The following CEP19 variants were observed in gnomAD, a reference collection of about 807,000 sequenced individuals.
CEP19 encodes centrosomal protein 19.
CEP19 carries 14 observed loss-of-function variants against 17.5 expected under a neutral mutation model. That is an observed-to-expected ratio of 0.80 (90% CI 0.53 to 1.25). CEP19 has a LOEUF of 1.25. Among genes scored for constraint, CEP19 ranks in the 50% most tolerant of loss-of-function variants. CEP19 has a pLI of 0.00. For missense variants in CEP19, 193 were observed against 192.0 expected (o/e 1.01, Z -0.03); for synonymous variants, 59 against 65.5 (o/e 0.90, Z 0.48).
In CEP19 at chr3:196,712,100, G is replaced by A. The variant is rs963021603; in HGVS notation, c.-242C>T. ...GCCACAGCCCTACTGACGAGCCCGA[G>A]GGGTGAACTCCCCGGCGGGAGGCCC... On this transcript the variant is annotated 5_prime_UTR_variant, in exon 1 of 3. Coordinates refer to ENST00000409690, the MANE Select transcript of CEP19 (RefSeq NM_032898.5). The A allele has an allele frequency of 4.7e-5, 30 of 643,728 alleles. No individual in the cohort carries two copies. Among genetic ancestry groups the A allele is most frequent in the African/African-American group, 7.2e-5 (4 of 55,194 alleles). The allele number at this position is 643,728 out of a possible 1,614,324, so 39.9% of individuals were successfully genotyped here.
intron 1 of CEP19, among the ~76,000 whole-genome samples, chr3:196,710,886 T>C (rs1333287690): frequency 1.3e-5 from 2 of 148,592 alleles, no homozygotes; most frequent in Non-Finnish European, 3.0e-5. Context: ...AAAAAATTAC[T>C]GTGCTCTACC....
chr3:196,712,120 A>G lies in CEP19; in HGVS notation c.-262T>C. 1 of 613,502 alleles carries G rather than the reference A, an allele frequency of 1.6e-6. No homozygotes were observed. 38.0% of individuals were successfully genotyped at this position (613,502 alleles called of 1,614,324 possible). A position where few individuals can be genotyped will look rare whatever the true frequency, so the allele number is the denominator to read the frequency against. On this transcript the variant is annotated 5_prime_UTR_variant, in exon 1 of 3. Coordinates refer to ENST00000409690, the MANE Select transcript of CEP19 (RefSeq NM_032898.5). ...CCCGAGGGGTGAACTCCCCGGCGGG[A>G]GGCCCGAACCCTCAAACACCGGGAA...
At position 196,708,640 on chromosome 3, in the gene CEP19, C is replaced by G. The variant is rs766456892; in HGVS notation, c.18G>C (p.Lys6Asn). The G allele has an allele frequency of 3.1e-6, 5 of 1,614,130 alleles. No individual in the cohort carries two copies. The highest frequency in any genetic ancestry group is 4.2e-6 in the Non-Finnish European group (5 of 1,179,970). The change falls in exon 2 of 3, where the codon AAG (lysine) becomes AAC (asparagine). Residue 6 changes from lysine (K) to asparagine (N), a missense_variant. Lys to Asn is a moderately conservative substitution (Grantham distance 94). Coordinates refer to ENST00000409690, the MANE Select transcript of CEP19 (RefSeq NM_032898.5). The part of the protein sequence containing the change: MMCTA[K>N]KCGIRFQPPA... ...GAGGCTGAAACCTAATCCCACATTT[C>G]TTGGCAGTGCACATCATTCCCATGT...
At chr3:196,707,968 CA>C (rs1711590788) in intron 2 of CEP19, 56 bp from the exon 3 acceptor site, 1 of 1,534,870 alleles carries the variant, frequency 6.5e-7, no homozygotes, top group African/African-American at 1.4e-5. Context: ...TCATATACGC[CA>C]TAAACTACTG....
At chr3:196,708,419 AGAGT>A (rs1711602821) in intron 2 of CEP19, 105 bp downstream of exon 2, 3 of 969,992 alleles carry the variant, frequency 3.1e-6, no homozygotes, top group Non-Finnish European at 4.7e-6. Flanking sequence ...AAGCTCACTG[AGAGT>A]AAGTAATTCA....
At chr3:196,710,102 A>C (rs903724812) in intron 1 of CEP19, among the ~76,000 whole-genome samples, 1 of 152,210 alleles carries the variant, frequency 6.6e-6, no homozygotes, top group Non-Finnish European at 1.5e-5. Context: ...CTGACGTTCA[A>C]ATTTAACAAC....
In CEP19 at chr3:196,712,160, C is replaced by T; in HGVS notation, c.-302G>A. Reference sequence around the variant, plus strand: ...AACACCGGGAAGCGGAGGTGGGGGCCGGCTGGGGGACCGGTCCACCGGCTC... The same window carrying T: ...AACACCGGGAAGCGGAGGTGGGGGCTGGCTGGGGGACCGGTCCACCGGCTC... On this transcript the variant is annotated 5_prime_UTR_variant, in exon 1 of 3. Coordinates refer to ENST00000409690, the MANE Select transcript of CEP19 (RefSeq NM_032898.5). The T allele has an allele frequency of 3.5e-6, 2 of 568,308 alleles. No individual in the cohort carries two copies. The highest frequency in any genetic ancestry group is 6.4e-6 in the Non-Finnish European group (2 of 314,752). The allele number at this position is 568,308 out of a possible 1,614,324, so 35.2% of individuals were successfully genotyped here.
chr3:196,707,351 G>A lies in CEP19; in HGVS notation c.*200C>T. On this transcript the variant is annotated 3_prime_UTR_variant, in exon 3 of 3. Transcript: ENST00000409690. ...CGGCATGATTGTAAGCTCCTTAAAG[G>A]CAGATTCCTTTATTCTGTTTTTCCC... is the stretch of plus-strand genomic sequence containing the variant. The A allele has an allele frequency of 1.6e-6, 1 of 607,086 alleles. No individual in the cohort carries two copies. The highest frequency in any genetic ancestry group is 2.9e-5 in the East Asian group (1 of 34,520). 37.6% of individuals were successfully genotyped at this position (607,086 alleles called of 1,614,324 possible). A position where few individuals can be genotyped will look rare whatever the true frequency, so the allele number is the denominator to read the frequency against.
rs756849608 is a variant in CEP19, at chr3:196,707,707, C to T, written c.336G>A (p.Glu112=). The change falls in exon 3 of 3, where the codon GAG becomes GAA. Residue 112 remains glutamate (E), a synonymous_variant. Coordinates refer to ENST00000409690, the MANE Select transcript of CEP19 (RefSeq NM_032898.5). ...EEDLNKLDDK[E]LAKRKSIMDE... ...CCATGATGCTCTTTCTTTTGGCAAGCTCCTTGTCATCTAGTTTGTTCAGGT... is the reference window on the plus strand; with the variant it reads ...CCATGATGCTCTTTCTTTTGGCAAGTTCCTTGTCATCTAGTTTGTTCAGGT... 3 of 1,614,004 alleles carry T rather than the reference C, an allele frequency of 1.9e-6. No individual in the cohort carries two copies. Among genetic ancestry groups the T allele is most frequent in the African/African-American group, 1.3e-5 (1 of 74,906 alleles).
In CEP19 at chr3:196,707,445, C is replaced by T; in HGVS notation, c.*106G>A. 1 of 1,243,000 alleles carries T rather than the reference C, an allele frequency of 8.0e-7. No homozygotes were observed. The highest frequency in any genetic ancestry group is 1.1e-6 in the Non-Finnish European group (1 of 898,924). 77.0% of individuals were successfully genotyped at this position (1,243,000 alleles called of 1,614,324 possible). ...GTTTTGAAAAGTAACATGGTCAATC[C>T]CCTATAACCCAACATATTTAGTATT... On this transcript the variant is annotated 3_prime_UTR_variant, in exon 3 of 3. Coordinates refer to ENST00000409690, the MANE Select transcript of CEP19 (RefSeq NM_032898.5).
Position 196,707,328 on chromosome 3 carries a change from G to A in CEP19, c.*223C>T. On this transcript the variant is annotated 3_prime_UTR_variant, in exon 3 of 3. Coordinates refer to ENST00000409690, the MANE Select transcript of CEP19 (RefSeq NM_032898.5). Reference sequence around the variant, plus strand: ...TTACAGGCGTGAGCCACCGCACCCGGCATGATTGTAAGCTCCTTAAAGGCA... The same window carrying A: ...TTACAGGCGTGAGCCACCGCACCCGACATGATTGTAAGCTCCTTAAAGGCA... The A allele has an allele frequency of 1.9e-6, 1 of 539,712 alleles. No homozygotes were observed. The highest frequency in any genetic ancestry group is 3.2e-6 in the Non-Finnish European group (1 of 312,496). 33.4% of individuals were successfully genotyped at this position (539,712 alleles called of 1,614,324 possible). A position where few individuals can be genotyped will look rare whatever the true frequency, so the allele number is the denominator to read the frequency against.
In CEP19 at chr3:196,706,639, G is replaced by A. The variant is rs1274929912; in HGVS notation, c.*912C>T. ...ATTTTGCAGGGTACTCTTTTCCAGA[G>A]ATAAATAATATAAAGATATAACACA... On this transcript the variant is annotated 3_prime_UTR_variant, in exon 3 of 3. Transcript: ENST00000409690. 1 of 152,050 alleles carries A rather than the reference G, an allele frequency of 6.6e-6. No individual in the cohort carries two copies. Among genetic ancestry groups the A allele is most frequent in the Non-Finnish European group, 1.5e-5 (1 of 68,006 alleles). The allele number at this position is 152,050 out of a possible 1,614,324, so 9.4% of individuals were successfully genotyped here. A position where few individuals can be genotyped will look rare whatever the true frequency, so the allele number is the denominator to read the frequency against.
intron 1 of CEP19, among the ~76,000 whole-genome samples, chr3:196,710,954 CT>C (rs760516872): frequency 0.026 from 2,916 of 110,302 alleles, 94 homozygotes; most frequent in African/African-American, 0.084. Context: ...TCTTTTCTTG[CT>C]TTTTTTTTTT....
intron 2 of CEP19, 139 bp downstream of exon 2, chr3:196,708,388 CT>C: frequency 1.3e-6 from 1 of 768,214 alleles, no homozygotes; most frequent in Non-Finnish European, 2.1e-6. Flanking sequence ...CTACAATTCC[CT>C]TTTATAGATT....
rs921547925 is a variant in CEP19 at position 196,707,865 on chromosome 3, T to C, written c.178A>G (p.Ser60Gly). ...CTCAGGGATACTTGTTCTAGGTAAC[T>C]CTTGTGTCGCGGATTATTCTTTAAT... ...EQLKNNPRHK[S>G]YLEQVSLRQL... Residue 60 changes from serine (S) to glycine (G), a missense_variant, in exon 3 of 3, where the codon AGT (serine) becomes GGT (glycine). By Grantham distance (56) the Ser-to-Gly change is moderately conservative. Transcript: ENST00000409690. 2 of 1,613,576 alleles carry C rather than the reference T, an allele frequency of 1.2e-6. No individual in the cohort carries two copies. Among genetic ancestry groups the C allele is most frequent in the Non-Finnish European group, 1.7e-6 (2 of 1,180,026 alleles).
chr3:196,712,146 G>A lies in CEP19; in HGVS notation c.-288C>T. 1.0e-5 allele frequency: 6 copies of A among 579,428 alleles called. No individual in the cohort carries two copies. The South Asian group carries it at 1.3e-4, about 12-fold the overall frequency. 35.9% of individuals were successfully genotyped at this position (579,428 alleles called of 1,614,324 possible). The stretch of plus-strand genomic sequence containing the variant: ...GGCCCGAACCCTCAAACACCGGGAA[G>A]CGGAGGTGGGGGCCGGCTGGGGGAC... On this transcript the variant is annotated 5_prime_UTR_variant, in exon 1 of 3. Coordinates refer to ENST00000409690, the MANE Select transcript of CEP19 (RefSeq NM_032898.5).
chr3:196,708,365 T>C (rs928232293), intron 2 of CEP19, among the ~76,000 whole-genome samples, 163 bp downstream of exon 2: 1 of 152,108 alleles, frequency 6.6e-6, no homozygotes, highest in Non-Finnish European at 1.5e-5. Context: ...AATTATCAGA[T>C]TGGAAAAAAA....
chr3:196,708,468 T>C, intron 2 of CEP19, 60 bp downstream of exon 2: 1 of 1,476,556 alleles, frequency 6.8e-7, no homozygotes, highest in Non-Finnish European at 9.5e-7. Flanking sequence ...GACAGAGTCA[T>C]GATGTGAACC....
Position 196,711,941 on chromosome 3 carries a change from A to G in CEP19, c.-83T>C. ...CTGGCTTTCTTACCCTTAGAGGAAT[A>G]CAGAAATGACATCGTCTGCAGGCCA... is the stretch of plus-strand genomic sequence containing the variant. On this transcript the variant is annotated 5_prime_UTR_variant, in exon 1 of 3. Transcript: ENST00000409690. 1 of 717,488 alleles carries G rather than the reference A, an allele frequency of 1.4e-6. No homozygotes were observed. The highest frequency in any genetic ancestry group is 2.6e-6 in the Non-Finnish European group (1 of 385,074). 44.4% of individuals were successfully genotyped at this position (717,488 alleles called of 1,614,324 possible).
Sources: gnomAD v4.1 joint callset for allele counts (sites outside exome capture counted in the v4.1 genomes callset) on GRCh38, gnomAD v4.1.1 for gene constraint, MANE v1.5 for transcripts, NCBI Gene and HGNC (gene_info 2026-07-23, HGNC 2026-07-21) for gene names.